The following NRG1 variants were observed in gnomAD, a reference collection of about 807,000 sequenced individuals.
NRG1 encodes the protein pro-neuregulin-1, membrane-bound isoform.
A neutral mutation model predicts 63.8 loss-of-function variants in NRG1; 18 were observed. That is an observed-to-expected ratio of 0.28 (90% CI 0.19 to 0.42). The LOEUF is 0.42. Ranked by LOEUF, NRG1 falls within the 10% of genes least tolerant of loss-of-function variation. The pLI, the probability that NRG1 is intolerant of heterozygous loss-of-function variation, is 1.00. For synonymous variants in NRG1, 302 were observed against 301.3 expected, an observed-to-expected ratio of 1.00 and a Z score of -0.02; for missense variants, 762 against 814.7, an observed-to-expected ratio of 0.94 and a Z score of 0.79.
At chr8:31,647,615 C>T (rs1180418222) in intron 1 of NRG1, among the ~76,000 whole-genome samples, 1 of 152,120 alleles carries the variant, frequency 6.6e-6, no homozygotes, top group Non-Finnish European at 1.5e-5. Flanking sequence ...AGTTGGGGCC[C>T]CTTGGTGGTT....
chr8:31,782,581 CT>C (rs557697755), intron 1 of NRG1, among the ~76,000 whole-genome samples: 20 of 152,206 alleles, frequency 1.3e-4, no homozygotes, highest in South Asian at 4.1e-4. Flanking sequence ...AATGATTAGC[CT>C]TTAATTTGTA....
intron 5 of NRG1, among the ~76,000 whole-genome samples, chr8:32,709,885 A>G (rs1817388719): frequency 6.6e-6 from 1 of 152,214 alleles, no homozygotes; most frequent in African/African-American, 2.4e-5. Context: ...TACACAAATT[A>G]ACTCACATTT....
intron 1 of NRG1, among the ~76,000 whole-genome samples, chr8:31,826,046 C>G (rs1426465892): frequency 6.6e-6 from 1 of 152,042 alleles, no homozygotes; most frequent in African/African-American, 2.4e-5. Context: ...TTGGATTAAC[C>G]CCATAGTCTA....
At chr8:32,062,043 A>C (rs548818518) in intron 1 of NRG1, among the ~76,000 whole-genome samples, 14 of 152,126 alleles carry the variant, frequency 9.2e-5, no homozygotes, top group Non-Finnish European at 1.9e-4. Context: ...TGTAGAGCAC[A>C]AAAGTTCTCC....
intron 1 of NRG1, among the ~76,000 whole-genome samples, chr8:31,771,782 G>A (rs1818651047): frequency 6.6e-6 from 1 of 152,116 alleles, no homozygotes; most frequent in Admixed American, 6.5e-5. Flanking sequence ...GTACCTGAGG[G>A]TAAACACCCA....
At chr8:32,587,351 A>T (rs1841799943) in intron 1 of NRG1, among the ~76,000 whole-genome samples, 2 of 152,226 alleles carry the variant, frequency 1.3e-5, no homozygotes, top group Non-Finnish European at 2.9e-5. Flanking sequence ...GTCTCGGCTG[A>T]GGCAGGGTCC....
At chr8:32,349,543 C>A (rs1168104151) in intron 1 of NRG1, among the ~76,000 whole-genome samples, 1 of 152,054 alleles carries the variant, frequency 6.6e-6, no homozygotes, top group African/African-American at 2.4e-5. Flanking sequence ...TTTCACAGAG[C>A]ATTTCTAGAT....
chr8:31,706,466 CATGT>C (rs1811161372), intron 1 of NRG1, among the ~76,000 whole-genome samples: 1 of 152,036 alleles, frequency 6.6e-6, no homozygotes, highest in Non-Finnish European at 1.5e-5. Flanking sequence ...TTACCTGATT[CATGT>C]ATATTTGACT....
chr8:32,411,588 C>T (rs528569142), intron 1 of NRG1, among the ~76,000 whole-genome samples: 1 of 152,254 alleles, frequency 6.6e-6, no homozygotes, highest in African/African-American at 2.4e-5. Flanking sequence ...CCATAATTGA[C>T]CTTCATTAGG....
intron 1 of NRG1, among the ~76,000 whole-genome samples, chr8:32,048,236 T>C (rs141465565): frequency 0.01 from 1,540 of 151,458 alleles, 30 homozygotes; most frequent in South Asian, 0.084. Context: ...GTAAAATATC[T>C]CTTTGAAATA....
At chr8:32,763,465 AT>A in intron 11 of NRG1, 1 of 1,267,704 alleles carries the variant, frequency 7.9e-7, no homozygotes, top group East Asian at 2.3e-5. Context: ...CTTGGCTCAT[AT>A]GCCATTATTT....
intron 5 of NRG1, among the ~76,000 whole-genome samples, chr8:32,625,155 C>A (rs79043444): frequency 1.2e-3 from 181 of 152,348 alleles, no homozygotes; most frequent in South Asian, 9.9e-3. Context: ...TAATGCACCT[C>A]CCATACAAGC....
At chr8:32,488,000 TTTCTG>T (rs1826110572) in intron 1 of NRG1, among the ~76,000 whole-genome samples, 1 of 152,166 alleles carries the variant, frequency 6.6e-6, no homozygotes. Flanking sequence ...AGAAGGGGTC[TTTCTG>T]GAGACTGTGG....
chr8:32,381,927 C>T (rs1334769758), intron 1 of NRG1, among the ~76,000 whole-genome samples: 1 of 152,056 alleles, frequency 6.6e-6, no homozygotes, highest in African/African-American at 2.4e-5. Flanking sequence ...AAAATATAGA[C>T]ATCTAAAAGT....
intron 1 of NRG1, among the ~76,000 whole-genome samples, chr8:32,587,031 A>C (rs1237652492): frequency 6.6e-6 from 1 of 152,052 alleles, no homozygotes; most frequent in Admixed American, 6.6e-5. Context: ...GGGCAACATG[A>C]ATCTCTGTAT....
chr8:31,894,028 G>T (rs1025236996), intron 1 of NRG1, among the ~76,000 whole-genome samples: 2 of 152,000 alleles, frequency 1.3e-5, no homozygotes, highest in African/African-American at 2.4e-5. Flanking sequence ...AATGTTTAGA[G>T]AAAATGCTAA....
chr8:32,552,119 C>T (rs185285955), intron 1 of NRG1, among the ~76,000 whole-genome samples: 182 of 151,712 alleles, frequency 1.2e-3, no homozygotes, highest in African/African-American at 4.1e-3. Context: ...CCATGTTGGC[C>T]AGGATGGTGT....
intron 1 of NRG1, among the ~76,000 whole-genome samples, chr8:32,454,524 C>A (rs1292465448): frequency 6.7e-6 from 1 of 149,782 alleles, no homozygotes; most frequent in Non-Finnish European, 1.5e-5. Flanking sequence ...AGAAAAAAAA[C>A]CGACATTGGC....
At chr8:32,447,589 G>A (rs972966938) in intron 1 of NRG1, among the ~76,000 whole-genome samples, 4 of 152,112 alleles carry the variant, frequency 2.6e-5, no homozygotes, top group African/African-American at 7.2e-5. Flanking sequence ...TGAATAAAAC[G>A]TGGGCGCAGT....
Sources: allele counts gnomAD v4.1 joint callset (sites outside exome capture counted in the v4.1 genomes callset), GRCh38; gene constraint gnomAD v4.1.1; transcripts MANE v1.5; gene names NCBI Gene and HGNC (gene_info 2026-07-23, HGNC 2026-07-21).